Variants in PCSK5 observed in about 807,000 individuals in gnomAD.
The protein encoded by PCSK5 is prohormone convertase 5.
Under a neutral mutation model 233.2 loss-of-function variants are expected in PCSK5, and 129 were observed. The observed-to-expected ratio is 0.55, with a 90% CI of 0.48 to 0.64. PCSK5 has a LOEUF of 0.64. Among genes scored for constraint, PCSK5 ranks in the 30% least tolerant of loss-of-function variants. The probability of loss-of-function intolerance (pLI) is 0.00; values close to 1 mark genes in which losing one functional copy is unlikely to be tolerated. For missense variants in PCSK5, 2,076 were observed against 2,430.1 expected, an observed-to-expected ratio of 0.85 and a Z score of 3.06; for synonymous variants, 825 against 879.2, an observed-to-expected ratio of 0.94 and a Z score of 1.09.
At chr9:76,331,560 G>A (rs568273168) in intron 33 of PCSK5, among the ~76,000 whole-genome samples, 18 of 152,156 alleles carry the variant, frequency 1.2e-4, no homozygotes, top group African/African-American at 3.9e-4. Context: ...CCAGCTACTC[G>A]GGAGGCTTAG....
intron 5 of PCSK5, among the ~76,000 whole-genome samples, chr9:76,058,106 C>CA (rs2131574198): frequency 6.6e-6 from 1 of 152,162 alleles, no homozygotes; most frequent in Admixed American, 6.5e-5. Context: ...ACATTGGCCC[C>CA]AAAAAACTGC....
intron 20 of PCSK5, among the ~76,000 whole-genome samples, chr9:76,220,206 A>C (rs1417986739): frequency 6.6e-6 from 1 of 152,170 alleles, no homozygotes; most frequent in Non-Finnish European, 1.5e-5. Context: ...AAGCTTTGTA[A>C]ATTTATTTTG....
chr9:76,314,875 C>CAG lies in PCSK5; in HGVS notation c.3884+4024_3884+4025insAG, dbSNP rs1362090388. 5.3e-5 allele frequency among the ~76,000 whole-genome samples: 8 copies of CAG among 151,490 alleles called. 1 individual carries two copies. In the South Asian group the frequency reaches 8.4e-4, roughly 16 times the overall value. ...AGGCTGGTCTCGGAACTCCTGACCT[C>CAG]GTGATCCGACCACCGTGGCCTCCCA... is the stretch of plus-strand genomic sequence containing the variant. On this transcript the variant is annotated intron_variant, in intron 30 of 37. Transcript: ENST00000674117.
intron 2 of PCSK5, among the ~76,000 whole-genome samples, chr9:75,959,476 GACTACAGGATGTCATGCTCTT>G (rs1190955704): frequency 6.6e-6 from 1 of 152,172 alleles, no homozygotes; most frequent in East Asian, 1.9e-4. Context: ...GTACACATGA[GACTACAGGATGTCATGCTCTT>G]ACTAAAAGAG....
At chr9:76,140,816 TAGCCTATCAAC>T (rs1216085655) in intron 10 of PCSK5, among the ~76,000 whole-genome samples, 2 of 152,146 alleles carry the variant, frequency 1.3e-5, no homozygotes, top group African/African-American at 2.4e-5. Flanking sequence ...GAACTGATTG[TAGCCTATCAAC>T]AGCCTATCAA....
intron 24 of PCSK5, among the ~76,000 whole-genome samples, chr9:76,247,145 G>T (rs899109508): frequency 2.6e-5 from 4 of 152,204 alleles, no homozygotes; most frequent in African/African-American, 9.7e-5. Flanking sequence ...AGTGGCAATG[G>T]GCACCTCGCT....
At chr9:76,343,252 C>T (rs1829885207) in intron 35 of PCSK5, among the ~76,000 whole-genome samples, 1 of 150,550 alleles carries the variant, frequency 6.6e-6, no homozygotes, top group Admixed American at 6.6e-5. Flanking sequence ...ACAACCTCTG[C>T]TTCCTGGGTT....
intron 30 of PCSK5, among the ~76,000 whole-genome samples, chr9:76,319,478 A>G (rs1829129283): frequency 6.6e-6 from 1 of 151,678 alleles, no homozygotes; most frequent in Non-Finnish European, 1.5e-5. Flanking sequence ...ACCGGCAGGT[A>G]TAGGGTCAGG....
chr9:76,151,103 T>TC (rs933418543), intron 10 of PCSK5, among the ~76,000 whole-genome samples: 18 of 152,022 alleles, frequency 1.2e-4, no homozygotes, highest in African/African-American at 4.3e-4. Flanking sequence ...TTTCATGCTC[T>TC]CCTCCTGTCC....
chr9:76,241,325 C>G (rs967842631), intron 24 of PCSK5, among the ~76,000 whole-genome samples: 4 of 152,148 alleles, frequency 2.6e-5, no homozygotes, highest in African/African-American at 9.7e-5. Context: ...ACCTGTAATC[C>G]CAGCTATTCG....
intron 2 of PCSK5, 32 bp from the exon 3 acceptor site, chr9:75,986,100 C>T (rs757432292): frequency 4.7e-5 from 58 of 1,233,166 alleles, no homozygotes; most frequent in Middle Eastern, 3.7e-4. Context: ...CCTGATGGAA[C>T]GTGAATACTC....
chr9:76,127,966 G>C (rs1028973413), intron 9 of PCSK5, among the ~76,000 whole-genome samples: 25 of 152,240 alleles, frequency 1.6e-4, no homozygotes, highest in Middle Eastern at 3.4e-3. Flanking sequence ...ACTCTGAAGC[G>C]TAATTTACAC....
Position 76,362,648 on chromosome 9 carries a change from C to A in PCSK5, c.*3726C>A, listed in dbSNP as rs554527779. 6.6e-6 allele frequency among the ~76,000 whole-genome samples: 1 copy of A among 152,308 alleles called. No individual in the cohort carries two copies. The highest frequency in any genetic ancestry group is 1.9e-4 in the East Asian group (1 of 5,184). ...AAAACTAAAAGGCAAAAATGAAATC[C>A]ACAGGCAGACAGCCCGGCGCTACGC... is the stretch of plus-strand genomic sequence containing the variant. On this transcript the variant is annotated 3_prime_UTR_variant, in exon 38 of 38. Coordinates refer to ENST00000674117, the MANE Select transcript of PCSK5 (RefSeq NM_001372043.1).
chr9:75,982,527 A>T (rs530598048), intron 2 of PCSK5, among the ~76,000 whole-genome samples: 39 of 152,172 alleles, frequency 2.6e-4, no homozygotes, highest in Non-Finnish European at 4.6e-4. Flanking sequence ...GTTTGGTTTC[A>T]TTTGCTTTTG....
chr9:76,191,956 G>GC (rs1437919020), intron 20 of PCSK5, among the ~76,000 whole-genome samples: 1 of 37,880 alleles, frequency 2.6e-5, no homozygotes, highest in Non-Finnish European at 4.8e-5. Context: ...GCACGTACCT[G>GC]TAATCCCAGC....
intron 13 of PCSK5, among the ~76,000 whole-genome samples, chr9:76,173,173 A>G (rs761017894): frequency 1.3e-5 from 2 of 152,188 alleles, no homozygotes; most frequent in Non-Finnish European, 2.9e-5. Context: ...TGAACAGTGA[A>G]TGAAATAAAA....
intron 2 of PCSK5, among the ~76,000 whole-genome samples, chr9:75,937,745 G>A (rs1824122048): frequency 6.6e-6 from 1 of 152,184 alleles, no homozygotes; most frequent in African/African-American, 2.4e-5. Context: ...TGGATCTTCT[G>A]TATCACTTGC....
At chr9:76,148,346 TC>T (rs1396441761) in intron 10 of PCSK5, among the ~76,000 whole-genome samples, 39 of 13,816 alleles carry the variant, frequency 2.8e-3, no homozygotes, top group Non-Finnish European at 1.3e-3. Flanking sequence ...AGGGAGTTTC[TC>T]TCTCCCTCTC....
chr9:75,917,097 A>T (rs1264848846), intron 1 of PCSK5, among the ~76,000 whole-genome samples: 1 of 151,402 alleles, frequency 6.6e-6, no homozygotes, highest in Non-Finnish European at 1.5e-5. Context: ...TGAACCTGGG[A>T]AGTGGAGGTT....
Sources: gnomAD v4.1 joint callset for allele counts (sites outside exome capture counted in the v4.1 genomes callset) on GRCh38, gnomAD v4.1.1 for gene constraint, MANE v1.5 for transcripts, NCBI Gene and HGNC (gene_info 2026-07-23, HGNC 2026-07-21) for gene names.